Variants in CFAP53 observed in about 807,000 individuals in gnomAD.
The protein encoded by CFAP53 is cilia- and flagella-associated protein 53.
Under a neutral mutation model 59.7 loss-of-function variants are expected in CFAP53, and 62 were observed. The ratio of observed to expected loss-of-function variants is 1.04; its 90% CI spans 0.85 to 1.28. The LOEUF (loss-of-function observed/expected upper bound fraction) is 1.28. Among genes scored for constraint, CFAP53 ranks in the 50% most tolerant of loss-of-function variants. The pLI is 0.00. For synonymous variants in CFAP53, 218 were observed against 205.7 expected, an observed-to-expected ratio of 1.06 and a Z score of -0.51; for missense variants, 629 against 615.6, an observed-to-expected ratio of 1.02 and a Z score of -0.23.
At chr18:50,253,424 A>G (rs1313401250) in intron 3 of CFAP53, among the ~76,000 whole-genome samples, 1 of 152,240 alleles carries the variant, frequency 6.6e-6, no homozygotes, top group African/African-American at 2.4e-5. Context: ...TGAGTGCTTT[A>G]TAGTTTGCAG....
intron 6 of CFAP53, among the ~76,000 whole-genome samples, chr18:50,239,353 C>CAATA (rs544000478): frequency 7.3e-4 from 110 of 150,178 alleles, no homozygotes; most frequent in African/African-American, 1.6e-3. Context: ...GACGCCGTCT[C>CAATA]AATAAATAAA....
At chr18:50,234,507 T>C (rs2033612303) in intron 7 of CFAP53, among the ~76,000 whole-genome samples, 1 of 152,186 alleles carries the variant, frequency 6.6e-6, no homozygotes, top group African/African-American at 2.4e-5. Flanking sequence ...CCTCTATTTA[T>C]GCAAATTATA....
At chr18:50,234,270 C>G (rs1309305258) in intron 7 of CFAP53, among the ~76,000 whole-genome samples, 1 of 152,154 alleles carries the variant, frequency 6.6e-6, no homozygotes, top group Non-Finnish European at 1.5e-5. Context: ...AGTTCAGCTA[C>G]TGGGATAGAA....
rs761848078 is a variant in CFAP53, at chr18:50,242,923, C to T, written c.1190G>A (p.Arg397Lys). 2 of 1,613,452 alleles carry T rather than the reference C, an allele frequency of 1.2e-6. No homozygotes were observed. The highest frequency in any genetic ancestry group is 1.7e-6 in the Non-Finnish European group (2 of 1,179,974). The change falls in exon 6 of 8, where the codon AGA (arginine) becomes AAA (lysine). Residue 397 changes from arginine to lysine, a missense_variant. Arg to Lys is a conservative substitution (Grantham distance 26). Coordinates refer to ENST00000398545, the MANE Select transcript of CFAP53 (RefSeq NM_145020.5). ...ACACTTTTCTTGAACTTGAAGTTTT[C>T]TTGTACACATGACCTCATCCACAAG... ...RQLVDEVMCT[R>K]KLQVQEKLQR...
chr18:50,257,838 T>C (rs2033859114), intron 3 of CFAP53, among the ~76,000 whole-genome samples: 1 of 152,190 alleles, frequency 6.6e-6, no homozygotes, highest in African/African-American at 2.4e-5. Flanking sequence ...GACACCAGCC[T>C]GGGCAACATA....
chr18:50,232,555 T>C (rs556244927), intron 7 of CFAP53, among the ~76,000 whole-genome samples: 4 of 152,316 alleles, frequency 2.6e-5, no homozygotes. Flanking sequence ...TTAAAAGCCC[T>C]GCCTGGCTTA....
chr18:50,229,634 T>C (rs2033559982), intron 7 of CFAP53, among the ~76,000 whole-genome samples: 1 of 152,196 alleles, frequency 6.6e-6, no homozygotes. Flanking sequence ...AGTTTTAATA[T>C]TTATTTTTTG....
intron 1 of CFAP53, 83 bp from the exon 2 acceptor site, chr18:50,262,302 C>T (rs1368130652): frequency 8.9e-7 from 1 of 1,129,730 alleles, no homozygotes; most frequent in East Asian, 2.4e-5. Context: ...TCAATCAATA[C>T]TCATACTAAA....
rs780520061 is a variant in CFAP53, at chr18:50,266,355, G to A, written c.50C>T (p.Thr17Ile). Reference protein sequence around the residue: ...GTVQREVKGPTPKVVIVRSKP... With the variant: ...GTVQREVKGPIPKVVIVRSKP... Reference sequence around the variant, plus strand: ...GCTTACCACGATCACCACTTTGGGGGTGGGGCCCTTAACCTCCCGCTGTAC... The same window carrying A: ...GCTTACCACGATCACCACTTTGGGGATGGGGCCCTTAACCTCCCGCTGTAC... Residue 17 changes from threonine to isoleucine, a missense_variant, in exon 1 of 8, where the codon ACC becomes ATC. Coordinates refer to ENST00000398545, the MANE Select transcript of CFAP53 (RefSeq NM_145020.5). The A allele has an allele frequency of 9.9e-6, 16 of 1,614,264 alleles. No homozygotes were observed. Among genetic ancestry groups the A allele is most frequent in the Non-Finnish European group, 1.3e-5 (15 of 1,180,028 alleles).
In CFAP53 at chr18:50,250,925, T is replaced by A; in HGVS notation, c.829A>T (p.Lys277Ter). The change falls in exon 5 of 8, where the codon AAA (lysine) becomes TAA (stop). Residue 277 changes from lysine to a stop codon, truncating the protein, a stop_gained. Transcript: ENST00000398545. LOFTEE classifies it high-confidence loss of function. ...CTAGTTTCCTGCTTTGCCTTCTGTT[T>A]CTTTAGCATATCCTGTTCATTCTCA... ...KHENEQDMLK[K>*]QKAKQETRTI... 1.2e-6 allele frequency: 2 copies of A among 1,614,226 alleles called. No homozygotes were observed. Among genetic ancestry groups the A allele is most frequent in the East Asian group, 2.2e-5 (1 of 44,884 alleles).
rs71169499 is a variant in CFAP53 at position 50,261,252 on chromosome 18, C to CAAAAAAAAAAAAAAAAAAAAAA, written c.300-16_300-15insTTTTTTTTTTTTTTTTTTTTTT. The CAAAAAAAAAAAAAAAAAAAAAA allele has an allele frequency of 2.5e-6, 3 of 1,215,714 alleles. No individual in the cohort carries two copies. Among genetic ancestry groups the CAAAAAAAAAAAAAAAAAAAAAA allele is most frequent in the South Asian group, 2.2e-5 (1 of 46,184 alleles). 75.3% of individuals were successfully genotyped at this position (1,215,714 alleles called of 1,614,324 possible). On this transcript the variant is annotated splice_polypyrimidine_tract_variant and intron_variant, in intron 2 of 7. Transcript: ENST00000398545. ...GCTCACGTAGCCTGAAACAAAAAGC[C>CAAAAAAAAAAAAAAAAAAAAAA]AAAAAAAAAAAAAAAAAAAGAAAAC... is the stretch of plus-strand genomic sequence containing the variant.
chr18:50,227,955 C>CATTTT (rs2033541924), intron 7 of CFAP53, among the ~76,000 whole-genome samples: 1 of 90,090 alleles, frequency 1.1e-5, no homozygotes, highest in African/African-American at 4.4e-5. Flanking sequence ...AACTTTTCTC[C>CATTTT]TTTTTTTTTT....
Position 50,251,547 on chromosome 18 carries a change from CT to C in CFAP53, c.710del (p.Gln237ArgfsTer15). On this transcript the variant is annotated frameshift_variant, in exon 4 of 8. Coordinates refer to ENST00000398545, the MANE Select transcript of CFAP53 (RefSeq NM_145020.5). LOFTEE classifies it high-confidence loss of function. ...MENTRLGLNA[Q>X]ITSIKAQRQA... is the part of the protein sequence containing the mutation. Reference sequence around the variant, plus strand: ...GCCTTTGTGCCTTGATGCTGGTGATCTGGGCATTCAGCCCCAGGCGTGTGTT... The same window carrying C: ...GCCTTTGTGCCTTGATGCTGGTGATCGGGCATTCAGCCCCAGGCGTGTGTT... The C allele has an allele frequency of 6.2e-7, 1 of 1,614,206 alleles. No homozygotes were observed. Among genetic ancestry groups the C allele is most frequent in the South Asian group, 1.1e-5 (1 of 91,078 alleles).
At chr18:50,235,998 GGATAAAGCAGA>G (rs777301606) in intron 7 of CFAP53, among the ~76,000 whole-genome samples, 44 of 152,348 alleles carry the variant, frequency 2.9e-4, no homozygotes, top group Middle Eastern at 3.4e-3. Flanking sequence ...GGTGGAACCA[GGATAAAGCAGA>G]GATAAAGCAG....
chr18:50,230,654 T>C (rs916354296), intron 7 of CFAP53, among the ~76,000 whole-genome samples: 14 of 152,170 alleles, frequency 9.2e-5, no homozygotes, highest in African/African-American at 3.4e-4. Flanking sequence ...GGGACTAGCA[T>C]CTGGTGTCTG....
chr18:50,229,618 T>C (rs1169199739), intron 7 of CFAP53, among the ~76,000 whole-genome samples: 2 of 152,242 alleles, frequency 1.3e-5, no homozygotes, highest in Non-Finnish European at 2.9e-5. Flanking sequence ...TGCCAGATTA[T>C]GTAGTAGTTT....
chr18:50,239,414 T>C (rs939984330), intron 6 of CFAP53, among the ~76,000 whole-genome samples: 10 of 151,528 alleles, frequency 6.6e-5, no homozygotes, highest in Non-Finnish European at 1.2e-4. Flanking sequence ...AGCATCCCAA[T>C]AGAAAAAAAA....
At chr18:50,244,046 T>C (rs1404843944) in intron 5 of CFAP53, among the ~76,000 whole-genome samples, 3 of 152,100 alleles carry the variant, frequency 2.0e-5, no homozygotes, top group East Asian at 1.9e-4. Flanking sequence ...CCCCAGGTGA[T>C]AGTAATGTGC....
intron 1 of CFAP53, 32 bp from the exon 2 acceptor site, chr18:50,262,251 A>G: frequency 6.5e-7 from 1 of 1,549,464 alleles, no homozygotes; most frequent in Non-Finnish European, 8.9e-7. Flanking sequence ...CACTTATAAT[A>G]AGCCAAAGAA....
Sources: gnomAD v4.1 joint callset for allele counts (sites outside exome capture counted in the v4.1 genomes callset) on GRCh38, gnomAD v4.1.1 for gene constraint, MANE v1.5 for transcripts, NCBI Gene and HGNC (gene_info 2026-07-23, HGNC 2026-07-21) for gene names.